ADCY10: variants seen among roughly 807,000 people sequenced by gnomAD.
The protein encoded by ADCY10 is adenylate cyclase 10.
Under a neutral mutation model 183.3 loss-of-function variants are expected in ADCY10, and 156 were observed. The observed-to-expected ratio is 0.85, with a 90% CI of 0.75 to 0.97. The LOEUF is 0.97. Among genes scored for constraint, ADCY10 ranks in the 50% least tolerant of loss-of-function variants. The pLI, the probability that ADCY10 is intolerant of heterozygous loss-of-function variation, is 0.00. For synonymous variants in ADCY10, 645 were observed against 670.0 expected (o/e 0.96, Z 0.58); for missense variants, 1,745 against 1,934.3 (o/e 0.90, Z 1.84).
chr1:167,903,813 G>T, intron 3 of ADCY10, 74 bp downstream of exon 3: 1 of 1,079,214 alleles, frequency 9.3e-7, no homozygotes. Flanking sequence ...TACTCTATCA[G>T]GTTATAATTG....
At chr1:167,846,963 G>A (rs932436466) in intron 19 of ADCY10, among the ~76,000 whole-genome samples, 4 of 150,340 alleles carry the variant, frequency 2.7e-5, no homozygotes, top group African/African-American at 9.8e-5. Flanking sequence ...TCTCACTCTT[G>A]TTGCCCAAGC....
intron 8 of ADCY10, among the ~76,000 whole-genome samples, chr1:167,888,736 C>T (rs1571412405): frequency 6.6e-6 from 1 of 151,494 alleles, no homozygotes; most frequent in Admixed American, 6.6e-5. Flanking sequence ...ATTAGCGGGG[C>T]GTGGTGGCGG....
At chr1:167,824,922 A>G in intron 26 of ADCY10, 67 bp from the exon 27 acceptor site, 15 of 1,397,324 alleles carry the variant, frequency 1.1e-5, no homozygotes, top group Non-Finnish European at 1.5e-5. Flanking sequence ...ACATCACTCA[A>G]TGTCTGCCAG....
At chr1:167,868,062 C>T (rs1367551235) in intron 14 of ADCY10, among the ~76,000 whole-genome samples, 1 of 152,102 alleles carries the variant, frequency 6.6e-6, no homozygotes, top group Non-Finnish European at 1.5e-5. Flanking sequence ...AGAGTAAATA[C>T]CTTAGTAAAA....
At chr1:167,873,910 G>A (rs367967116) in intron 13 of ADCY10, among the ~76,000 whole-genome samples, 1 of 152,180 alleles carries the variant, frequency 6.6e-6, no homozygotes, top group African/African-American at 2.4e-5. Context: ...CAAACACAGA[G>A]TGGGAAAAGT....
At chr1:167,845,490 C>T (rs1471981597) in intron 21 of ADCY10, 73 bp downstream of exon 21, 1 of 1,511,004 alleles carries the variant, frequency 6.6e-7, no homozygotes, top group South Asian at 1.2e-5. Context: ...AAGATCCACA[C>T]CCACTCCTTC....
chr1:167,834,162 G>T, intron 23 of ADCY10, 85 bp from the exon 24 acceptor site: 1 of 1,000,458 alleles, frequency 1.0e-6, no homozygotes, highest in Non-Finnish European at 1.6e-6. Context: ...CTCTACTGAA[G>T]TAAGAGATGC....
In ADCY10 at chr1:167,809,873, A is replaced by C. The variant is rs370124961; in HGVS notation, c.4672-34T>G. On this transcript the variant is annotated intron_variant, in intron 32 of 32. Transcript: ENST00000367851. ...AAAGAAACAGAACAAAGAAATCATT[A>C]GTGCTTCTTGACTTTTGTAATCAAG... The C allele has an allele frequency of 3.7e-5, 59 of 1,607,634 alleles. No homozygotes were observed. The African/African-American group carries it at 7.6e-4, about 21-fold the overall frequency.
intron 29 of ADCY10, 140 bp downstream of exon 29, chr1:167,822,868 C>T (rs1663000586): frequency 2.6e-6 from 2 of 756,696 alleles, no homozygotes; most frequent in Middle Eastern, 2.3e-4. Context: ...CTCACACAAC[C>T]AGCCTCTCTC....
At chr1:167,829,667 T>C (rs990940689) in intron 25 of ADCY10, among the ~76,000 whole-genome samples, 14 of 152,244 alleles carry the variant, frequency 9.2e-5, no homozygotes, top group Non-Finnish European at 4.4e-5. Flanking sequence ...AAAGCATCTG[T>C]CCTGAGTCAG....
intron 26 of ADCY10, among the ~76,000 whole-genome samples, chr1:167,825,374 G>A (rs568310222): frequency 9.9e-5 from 15 of 151,760 alleles, no homozygotes; most frequent in African/African-American, 3.6e-4. Context: ...TTGGAGGTCA[G>A]GTGCAGTGGC....
chr1:167,874,780 A>AT (rs1667336823), intron 13 of ADCY10, among the ~76,000 whole-genome samples: 1 of 152,248 alleles, frequency 6.6e-6, no homozygotes, highest in African/African-American at 2.4e-5. Context: ...ACTACATAGT[A>AT]ATGACATAGA....
Position 167,845,622 on chromosome 1 carries a change from C to G in ADCY10, c.2948G>C (p.Arg983Pro), listed in dbSNP as rs759850390. The change falls in exon 21 of 33, where the codon CGG becomes CCG. Residue 983 changes from arginine (R) to proline (P), a missense_variant. Transcript: ENST00000367851. ...GGCATCCATGTCTAAAGCGTTGAGC[C>G]GAATATTCACTGTGAAGTGATGATA... ...IPYHHFTVNI[R>P]LNALDMDAIK... is the part of the protein sequence containing the mutation. The G allele has an allele frequency of 5.6e-6, 9 of 1,614,064 alleles. No homozygotes were observed. Among genetic ancestry groups the G allele is most frequent in the Non-Finnish European group, 5.9e-6 (7 of 1,180,042 alleles).
intron 24 of ADCY10, 75 bp downstream of exon 24, chr1:167,833,895 T>G (rs1663982780): frequency 2.6e-6 from 3 of 1,150,890 alleles, no homozygotes; most frequent in Non-Finnish European, 2.6e-6. Context: ...GTAGAAAGTA[T>G]AGGGATGACT....
chr1:167,883,640 AGAGCAGC>A lies in ADCY10; in HGVS notation c.829-19_829-13del. The A allele has an allele frequency of 1.2e-6, 2 of 1,614,164 alleles. No homozygotes were observed. Among genetic ancestry groups the A allele is most frequent in the Non-Finnish European group, 1.7e-6 (2 of 1,180,000 alleles). ...TGTTTGTTATCAATCTGCAAAGTAGAGAGCAGCTTTCTGTAGGTGTCCTTGGCAGTGG... is the reference window on the plus strand; with the variant it reads ...TGTTTGTTATCAATCTGCAAAGTAGATTTCTGTAGGTGTCCTTGGCAGTGG... On this transcript the variant is annotated splice_polypyrimidine_tract_variant and intron_variant, in intron 8 of 32. Transcript: ENST00000367851.
intron 16 of ADCY10, among the ~76,000 whole-genome samples, chr1:167,857,725 A>T (rs1473524392): frequency 6.6e-6 from 1 of 152,230 alleles, no homozygotes; most frequent in Non-Finnish European, 1.5e-5. Context: ...ATAAAGTGGT[A>T]CTATTGAATC....
chr1:167,885,850 G>A (rs775689255), intron 8 of ADCY10, among the ~76,000 whole-genome samples: 29 of 152,070 alleles, frequency 1.9e-4, no homozygotes, highest in Non-Finnish European at 3.5e-4. Context: ...TCCTGATCTC[G>A]TGACTTGCCC....
chr1:167,880,212 T>C (rs1433752555), intron 10 of ADCY10, 21 bp from the exon 11 acceptor site: 2 of 1,597,882 alleles, frequency 1.3e-6, no homozygotes, highest in Non-Finnish European at 8.6e-7. Context: ...GGAGACAAGA[T>C]TTGTGGGGAA....
Position 167,809,566 on chromosome 1 carries a change from C to A in ADCY10, c.*112G>T. 3 of 1,179,804 alleles carry A rather than the reference C, an allele frequency of 2.5e-6. No homozygotes were observed. The highest frequency in any genetic ancestry group is 3.8e-6 in the Non-Finnish European group (3 of 795,502). 73.1% of individuals were successfully genotyped at this position (1,179,804 alleles called of 1,614,324 possible). A position where few individuals can be genotyped will look rare whatever the true frequency, so the allele number is the denominator to read the frequency against. The stretch of plus-strand genomic sequence containing the variant: ...GAAATCAACATGTCTGTTTCTGTGT[C>A]TGGAACAGAAGAGATTATGTAGGAA... On this transcript the variant is annotated 3_prime_UTR_variant, in exon 33 of 33. Transcript: ENST00000367851.
Sources: gnomAD v4.1 joint callset for allele counts (sites outside exome capture counted in the v4.1 genomes callset) on GRCh38, gnomAD v4.1.1 for gene constraint, MANE v1.5 for transcripts, NCBI Gene and HGNC (gene_info 2026-07-23, HGNC 2026-07-21) for gene names.